ASPH: variants seen among roughly 807,000 people sequenced by gnomAD.
ASPH encodes the protein aspartate beta-hydroxylase, also known as aspartyl/asparaginyl beta-hydroxylase.
A neutral mutation model predicts 118.4 loss-of-function variants in ASPH; 100 were observed. The ratio of observed to expected loss-of-function variants is 0.84; its 90% CI spans 0.72 to 1.00. The LOEUF (loss-of-function observed/expected upper bound fraction) is 1.00, where lower values mean the gene tolerates loss of function less well. Ranked by LOEUF, ASPH falls within the 50% of genes least tolerant of loss-of-function variation. ASPH has a pLI of 0.00. For synonymous variants in ASPH, 315 were observed against 325.6 expected (o/e 0.97, Z 0.35); for missense variants, 920 against 919.5 (o/e 1.00, Z -0.01).
chr8:61,610,608 T>C (rs1847011757), intron 14 of ASPH, among the ~76,000 whole-genome samples: 1 of 152,238 alleles, frequency 6.6e-6, no homozygotes, highest in African/African-American at 2.4e-5. Context: ...TATCTCATAA[T>C]CTCTTTTCAC....
intron 3 of ASPH, chr8:61,658,133 C>T (rs1236602287): frequency 1.3e-5 from 2 of 152,150 alleles, no homozygotes; most frequent in Non-Finnish European, 2.9e-5. Context: ...TAGGTAACCA[C>T]GTTAATCCTC....
chr8:61,507,811 C>G lies in ASPH; in HGVS notation c.2127-4302G>C, dbSNP rs577803179. Among the ~76,000 whole-genome samples the G allele has an allele frequency of 5.7e-4, 87 of 152,286 alleles. 1 individual carries two copies. The Middle Eastern group carries it at 0.027, about 48-fold the overall frequency. On this transcript the variant is annotated intron_variant, in intron 24 of 24. Coordinates refer to ENST00000379454, the MANE Select transcript of ASPH (RefSeq NM_004318.4). The stretch of plus-strand genomic sequence containing the variant: ...CCATCAAATAAGATTAAGTTACACT[C>G]GAATTACGACATACAATCAGCCCTT...
intron 1 of ASPH, among the ~76,000 whole-genome samples, chr8:61,710,861 A>G (rs1250672439): frequency 6.6e-6 from 1 of 152,224 alleles, no homozygotes; most frequent in Non-Finnish European, 1.5e-5. Context: ...AGAAAGAAAA[A>G]GGAAGCTAAA....
chr8:61,602,553 G>C (rs1321245383), intron 14 of ASPH, among the ~76,000 whole-genome samples: 2 of 151,392 alleles, frequency 1.3e-5, no homozygotes, highest in Non-Finnish European at 2.9e-5. Context: ...AAAAGACAAA[G>C]ATGTCCATGC....
intron 13 of ASPH, chr8:61,626,384 T>TA (rs1182705381): frequency 4.3e-4 from 242 of 564,736 alleles, no homozygotes; most frequent in South Asian, 5.6e-4. Context: ...AACAAAGTAA[T>TA]TTTTTTTTTT....
chr8:61,638,597 C>G (rs1858982878), intron 10 of ASPH, among the ~76,000 whole-genome samples: 1 of 152,088 alleles, frequency 6.6e-6, no homozygotes, highest in South Asian at 2.1e-4. Context: ...AATTTTACTA[C>G]CTTTTTAAAA....
Position 61,503,029 on chromosome 8 carries a change from T to C in ASPH, c.*330A>G, listed in dbSNP as rs980559707. The C allele has an allele frequency of 2.6e-5, 5 of 192,062 alleles. No homozygotes were observed. The highest frequency in any genetic ancestry group is 6.1e-5 in the Admixed American group (1 of 16,440). 11.9% of individuals were successfully genotyped at this position (192,062 alleles called of 1,614,324 possible). A position where few individuals can be genotyped will look rare whatever the true frequency, so the allele number is the denominator to read the frequency against. On this transcript the variant is annotated 3_prime_UTR_variant, in exon 25 of 25. Transcript: ENST00000379454. ...GCAATCCATTCACAGTTTCTACATA[T>C]GTTCTCATTATACATTGAATTAGAC...
At chr8:61,535,505 C>T (rs1375976717) in intron 21 of ASPH, among the ~76,000 whole-genome samples, 1 of 152,118 alleles carries the variant, frequency 6.6e-6, no homozygotes, top group Non-Finnish European at 1.5e-5. Context: ...AGAAAAGTCC[C>T]AGAGTTTTAT....
chr8:61,553,765 C>A (rs1286234573), intron 19 of ASPH, among the ~76,000 whole-genome samples: 1 of 152,054 alleles, frequency 6.6e-6, no homozygotes, highest in Non-Finnish European at 1.5e-5. Flanking sequence ...CCCGTCCCCA[C>A]AAAGAGAAAA....
At chr8:61,637,342 A>G (rs775853714) in intron 12 of ASPH, among the ~76,000 whole-genome samples, 48 of 152,066 alleles carry the variant, frequency 3.2e-4, no homozygotes, top group Non-Finnish European at 5.1e-4. Context: ...CATTTGCAAA[A>G]TAAGTACAAA....
chr8:61,693,845 G>A (rs1188239156), intron 1 of ASPH, among the ~76,000 whole-genome samples: 1 of 152,070 alleles, frequency 6.6e-6, no homozygotes, highest in Non-Finnish European at 1.5e-5. Flanking sequence ...TCACTCCAGC[G>A]ACTCATGAGC....
chr8:61,507,707 C>A (rs61397046), intron 24 of ASPH, among the ~76,000 whole-genome samples: 1 of 151,980 alleles, frequency 6.6e-6, no homozygotes, highest in South Asian at 2.1e-4. Flanking sequence ...GATGTCAAAT[C>A]GCTTCTGACT....
chr8:61,663,629 G>A (rs1818033884), intron 3 of ASPH: 1 of 985,246 alleles, frequency 1.0e-6, no homozygotes, highest in African/African-American at 1.7e-5. Flanking sequence ...GGTTTACAAT[G>A]TTCTTGTAAT....
At chr8:61,628,277 A>G (rs968339904) in intron 13 of ASPH, 14 of 303,568 alleles carry the variant, frequency 4.6e-5, no homozygotes, top group African/African-American at 1.2e-4. Context: ...CTTCCACCTC[A>G]GCCTTCTGAG....
intron 1 of ASPH, among the ~76,000 whole-genome samples, chr8:61,705,961 T>A (rs1297893750): frequency 6.6e-6 from 1 of 152,210 alleles, no homozygotes; most frequent in Non-Finnish European, 1.5e-5. Context: ...GTGGAGTCAT[T>A]ACAGAACTCT....
intron 21 of ASPH, among the ~76,000 whole-genome samples, chr8:61,532,138 T>C (rs1168815203): frequency 6.6e-6 from 1 of 152,196 alleles, no homozygotes; most frequent in Non-Finnish European, 1.5e-5. Context: ...TGGCACCAAT[T>C]TACATTTCCA....
At chr8:61,543,650 C>T (rs914314485) in intron 21 of ASPH, among the ~76,000 whole-genome samples, 4 of 152,154 alleles carry the variant, frequency 2.6e-5, no homozygotes, top group African/African-American at 7.2e-5. Context: ...TGACTGCATG[C>T]TTTTCTGTGC....
intron 10 of ASPH, among the ~76,000 whole-genome samples, chr8:61,642,456 G>A (rs114367786): frequency 0.012 from 1,856 of 152,302 alleles, 42 homozygotes; most frequent in African/African-American, 0.043. Context: ...TTCTTTGAAC[G>A]CTACCGTTCA....
intron 21 of ASPH, among the ~76,000 whole-genome samples, chr8:61,526,474 C>T (rs1815386697): frequency 6.6e-6 from 1 of 152,144 alleles, no homozygotes; most frequent in African/African-American, 2.4e-5. Flanking sequence ...TTCCATGTGA[C>T]ACTCCAGCCT....
Sources: allele counts gnomAD v4.1 joint callset (sites outside exome capture counted in the v4.1 genomes callset), GRCh38; gene constraint gnomAD v4.1.1; transcripts MANE v1.5; gene names NCBI Gene and HGNC (gene_info 2026-07-23, HGNC 2026-07-21).